TBXAS1: variants seen among roughly 807,000 people sequenced by gnomAD.
TBXAS1 encodes thromboxane A synthase 1.
A neutral mutation model predicts 60.7 loss-of-function variants in TBXAS1; 48 were observed. The ratio of observed to expected loss-of-function variants is 0.79; its 90% CI spans 0.63 to 1.01. TBXAS1 has a LOEUF of 1.01. Ranked by LOEUF, TBXAS1 falls within the 50% of genes least tolerant of loss-of-function variation. TBXAS1 has a pLI of 0.00. For synonymous variants in TBXAS1, 287 were observed against 269.7 expected (o/e 1.06, Z -0.63); for missense variants, 685 against 686.3 (o/e 1.00, Z 0.02).
At chr7:139,899,063 C>G (rs919229353) in intron 3 of TBXAS1, among the ~76,000 whole-genome samples, 1 of 151,336 alleles carries the variant, frequency 6.6e-6, no homozygotes, top group African/African-American at 2.4e-5. Context: ...AAACACTGAA[C>G]GTTCAAGGAA....
intron 4 of TBXAS1, among the ~76,000 whole-genome samples, chr7:139,822,751 C>G (rs1158048495): frequency 1.3e-5 from 2 of 152,150 alleles, no homozygotes; most frequent in Non-Finnish European, 2.9e-5. Context: ...ATTCTGCCTT[C>G]CTAGTGGTCT....
At chr7:139,910,181 G>C (rs1805407288) in intron 3 of TBXAS1, among the ~76,000 whole-genome samples, 1 of 152,184 alleles carries the variant, frequency 6.6e-6, no homozygotes, top group African/African-American at 2.4e-5. Context: ...CAGATAGTCA[G>C]ACCCTTGGAA....
chr7:139,977,887 A>G (rs546656513), intron 9 of TBXAS1, among the ~76,000 whole-genome samples: 1 of 152,370 alleles, frequency 6.6e-6, no homozygotes, highest in East Asian at 1.9e-4. Context: ...CTATAAAGAA[A>G]TAGGCCCTGT....
At chr7:139,831,456 G>A (rs1420959467) in intron 1 of TBXAS1, among the ~76,000 whole-genome samples, 2 of 152,222 alleles carry the variant, frequency 1.3e-5, no homozygotes, top group African/African-American at 4.8e-5. Flanking sequence ...GAAGAGACAG[G>A]GGTGCTTTTC....
intron 5 of TBXAS1, among the ~76,000 whole-genome samples, chr7:139,940,419 AATAC>A (rs1391630649): frequency 6.6e-6 from 1 of 152,186 alleles, no homozygotes; most frequent in Non-Finnish European, 1.5e-5. Context: ...CCTTGTTAAA[AATAC>A]ATAATTTCAG....
rs1809624594 is a variant in TBXAS1 at position 139,953,886 on chromosome 7, T to TAAAGATG, written c.539+430_539+431insAAAGATG. Among the ~76,000 whole-genome samples the TAAAGATG allele has an allele frequency of 3.9e-5, 6 of 151,910 alleles. No homozygotes were observed. The East Asian group carries it at 1.2e-3, about 29-fold the overall frequency. The stretch of plus-strand genomic sequence containing the variant: ...CATTTTGTAACTAAAAGGTTTTTGC[T>TAAAGATG]TTAAAAAAACATCTTTAGTCTAAGT... On this transcript the variant is annotated intron_variant, in intron 6 of 12. Transcript: ENST00000448866.
chr7:140,008,354 T>A (rs900351063), intron 10 of TBXAS1, among the ~76,000 whole-genome samples: 4 of 151,898 alleles, frequency 2.6e-5, no homozygotes, highest in Admixed American at 6.6e-5. Context: ...CTGTGCCCCC[T>A]CTCCCCATGC....
At chr7:139,862,132 A>G (rs1415627240) in intron 1 of TBXAS1, among the ~76,000 whole-genome samples, 1 of 152,236 alleles carries the variant, frequency 6.6e-6, no homozygotes, top group Non-Finnish European at 1.5e-5. Context: ...AAAATGCCTA[A>G]CAGACATTCA....
chr7:139,960,231 G>A (rs1021168154), intron 8 of TBXAS1, among the ~76,000 whole-genome samples: 6 of 152,202 alleles, frequency 3.9e-5, no homozygotes, highest in Non-Finnish European at 5.9e-5. Context: ...CTGGGGTGCA[G>A]TAGAGCTGCA....
intron 10 of TBXAS1, among the ~76,000 whole-genome samples, chr7:140,011,599 T>C (rs1421752296): frequency 1.3e-5 from 2 of 152,062 alleles, no homozygotes; most frequent in African/African-American, 4.8e-5. Flanking sequence ...CAAACCCAAA[T>C]TTCCTTCCCT....
intron 4 of TBXAS1, among the ~76,000 whole-genome samples, chr7:139,921,331 C>T (rs1191137286): frequency 6.6e-6 from 1 of 152,200 alleles, no homozygotes; most frequent in Non-Finnish European, 1.5e-5. Context: ...TAAATGTAAA[C>T]TTACAGTATG....
chr7:139,889,095 G>A (rs981894167), intron 3 of TBXAS1, among the ~76,000 whole-genome samples: 8 of 152,074 alleles, frequency 5.3e-5, no homozygotes, highest in Non-Finnish European at 1.5e-5. Flanking sequence ...CACATTGGGA[G>A]GCCGAGGTGG....
intron 4 of TBXAS1, among the ~76,000 whole-genome samples, chr7:139,922,860 C>G (rs1309113948): frequency 1.3e-5 from 2 of 152,106 alleles, no homozygotes; most frequent in Non-Finnish European, 2.9e-5. Flanking sequence ...GCCCCAGTAC[C>G]ATTGTTGAAA....
Position 139,998,772 on chromosome 7 carries a change from G to A in TBXAS1, c.1135-8319G>A, listed in dbSNP as rs556006900. ...CAGAGCCATCATGGAGAAGACTGAT[G>A]CCCCGTGGGTTGTGTGTTTGTGTGC... On this transcript the variant is annotated intron_variant, in intron 9 of 12. Coordinates refer to ENST00000448866, the MANE Select transcript of TBXAS1 (RefSeq NM_001061.7). 4.6e-5 allele frequency among the ~76,000 whole-genome samples: 7 copies of A among 152,302 alleles called. No homozygotes were observed. In the East Asian group the frequency reaches 1.4e-3, roughly 29 times the overall value.
Position 139,972,303 on chromosome 7 carries a change from G to A in TBXAS1, c.1134+10070G>A, listed in dbSNP as rs80107201. On this transcript the variant is annotated intron_variant, in intron 9 of 12. Coordinates refer to ENST00000448866, the MANE Select transcript of TBXAS1 (RefSeq NM_001061.7). ...ATAGCTGGGCCTCTAGAGGGACCAA[G>A]CTTTGCTAAGCAAATAAGCTTGTGG... 5.3e-4 allele frequency among the ~76,000 whole-genome samples: 80 copies of A among 152,326 alleles called. No individual in the cohort carries two copies. The East Asian group carries it at 0.015, about 28-fold the overall frequency.
rs962263030 is a variant in TBXAS1 at position 140,007,425 on chromosome 7, G to A, written c.1226+243G>A. Among the ~76,000 whole-genome samples, 5 of 152,192 alleles carry A rather than the reference G, an allele frequency of 3.3e-5. 1 individual carries two copies. Among genetic ancestry groups the A allele is most frequent in the Middle Eastern group, 6.3e-3 (2 of 316 alleles). ...AACACCGCCTTCCTCCCCAGCCCAA[G>A]CTGGCCCTTTGGTCTCCTAGCCTTT... On this transcript the variant is annotated intron_variant, in intron 10 of 12. Coordinates refer to ENST00000448866, the MANE Select transcript of TBXAS1 (RefSeq NM_001061.7).
chr7:139,947,233 C>T (rs756987235), intron 5 of TBXAS1, among the ~76,000 whole-genome samples: 1 of 152,066 alleles, frequency 6.6e-6, no homozygotes, highest in Non-Finnish European at 1.5e-5. Context: ...ACTATGCAGC[C>T]ATAAAAAGGG....
chr7:139,939,833 T>C lies in TBXAS1; in HGVS notation c.450+3526T>C, dbSNP rs191342210. On this transcript the variant is annotated intron_variant, in intron 5 of 12. Transcript: ENST00000448866. ...CAGCAGAATGTGGAAGGGGAAAGCA[T>C]TTCAAAGAGGAAGGAGCAGCCAGAG... Among the ~76,000 whole-genome samples the C allele has an allele frequency of 2.5e-4, 38 of 152,192 alleles. No individual in the cohort carries two copies. The East Asian group carries it at 7.0e-3, about 28-fold the overall frequency.
chr7:139,812,798 T>A (rs1798050290), intron 4 of TBXAS1, among the ~76,000 whole-genome samples: 1 of 152,156 alleles, frequency 6.6e-6, no homozygotes, highest in Non-Finnish European at 1.5e-5. Flanking sequence ...GACTCACGCC[T>A]GTAATCCCAG....
Sources: gnomAD v4.1 joint callset for allele counts (sites outside exome capture counted in the v4.1 genomes callset) on GRCh38, gnomAD v4.1.1 for gene constraint, MANE v1.5 for transcripts, NCBI Gene and HGNC (gene_info 2026-07-23, HGNC 2026-07-21) for gene names.